LINGO1: variants seen among roughly 807,000 people sequenced by gnomAD.
LINGO1 encodes the protein leucine-rich repeat and immunoglobulin-like domain-containing nogo receptor-interacting protein 1.
Under a neutral mutation model 37.3 loss-of-function variants are expected in LINGO1, and 11 were observed. The observed-to-expected ratio is 0.29, with a 90% confidence interval of 0.19 to 0.49. LINGO1 has a LOEUF of 0.49. Ranked by LOEUF, LINGO1 falls within the 20% of genes least tolerant of loss-of-function variation. The pLI is 0.99. For synonymous variants in LINGO1, 387 were observed against 403.0 expected (o/e 0.96, Z 0.48); for missense variants, 585 against 878.2 (o/e 0.67, Z 4.22).
At chr15:77,635,543 G>A (rs2074379352), upstream of LINGO1, among the ~76,000 whole-genome samples, 1 of 150,478 alleles carries the variant, frequency 6.6e-6, no homozygotes, top group Non-Finnish European at 1.5e-5. Context: ...CACCGGGATG[G>A]CCTAGTCCAA....
At chr15:77,803,948 G>A (rs1003813654) in intron 1 of LINGO1, among the ~76,000 whole-genome samples, 6 of 152,136 alleles carry the variant, frequency 3.9e-5, no homozygotes, top group African/African-American at 9.7e-5. Flanking sequence ...CCTAAGCCAC[G>A]CACAGTGGGC....
At chr15:77,645,801 G>A (rs1158780792) in intron 3 of LINGO1, among the ~76,000 whole-genome samples, 1 of 152,258 alleles carries the variant, frequency 6.6e-6, no homozygotes, top group Non-Finnish European at 1.5e-5. Context: ...CAGGAGCAAA[G>A]CTCAAGGCCT....
At chr15:77,770,965 C>T (rs2076579192) in intron 1 of LINGO1, among the ~76,000 whole-genome samples, 1 of 152,244 alleles carries the variant, frequency 6.6e-6, no homozygotes, top group South Asian at 2.1e-4. Flanking sequence ...TGTGACCCTT[C>T]TCGGGGCTCA....
chr15:77,751,592 G>A (rs2076372155), intron 1 of LINGO1, among the ~76,000 whole-genome samples: 1 of 152,144 alleles, frequency 6.6e-6, no homozygotes, highest in South Asian at 2.1e-4. Flanking sequence ...AAGGGTCAGT[G>A]CTTCAGGCCT....
At chr15:77,798,833 G>T (rs1037824188) in intron 1 of LINGO1, among the ~76,000 whole-genome samples, 8 of 152,200 alleles carry the variant, frequency 5.3e-5, no homozygotes, top group Non-Finnish European at 5.9e-5. Flanking sequence ...CCCGGAGAAT[G>T]TGAGACCTCC....
intron 1 of LINGO1, among the ~76,000 whole-genome samples, chr15:77,741,227 G>T (rs1205879829): frequency 6.6e-6 from 1 of 152,238 alleles, no homozygotes; most frequent in Non-Finnish European, 1.5e-5. Flanking sequence ...CTCTAGATTT[G>T]CTTCTTTGCC....
At chr15:77,627,787 C>T (rs1028384610) in intron 1 of LINGO1, among the ~76,000 whole-genome samples, 1 of 152,168 alleles carries the variant, frequency 6.6e-6, no homozygotes, top group Non-Finnish European at 1.5e-5. Context: ...GCCCTTCTTG[C>T]TCCTCCTTCA....
At position 77,777,815 on chromosome 15, in the gene LINGO1, CAGG is replaced by C. The variant is rs537892193; in HGVS notation, c.-257+9051_-257+9053del. 4.8e-3 allele frequency among the ~76,000 whole-genome samples: 735 copies of C among 152,158 alleles called. 2 individuals are homozygous for C. Among genetic ancestry groups the C allele is most frequent in the Non-Finnish European group, 8.0e-3 (544 of 67,986 alleles). On this transcript the variant is annotated intron_variant, in intron 1 of 3. Coordinates refer to the LINGO1 transcript ENST00000561686. ...GCACAGACCTGTGGTCCCAGCTACT[CAGG>C]AGGCTGAGGTGAGAGGATCACTTGA...
chr15:77,780,945 C>A (rs952581983), intron 1 of LINGO1, among the ~76,000 whole-genome samples: 8 of 152,148 alleles, frequency 5.3e-5, no homozygotes, highest in African/African-American at 1.9e-4. Context: ...TTGTCACAGC[C>A]CGCATGGACT....
At chr15:77,716,963 A>G (rs934273960) in intron 2 of LINGO1, among the ~76,000 whole-genome samples, 1 of 150,440 alleles carries the variant, frequency 6.6e-6, no homozygotes, top group African/African-American at 2.4e-5. Context: ...TGCATTTAGC[A>G]GGACGTAGAT....
chr15:77,806,148 C>T (rs2076957917), intron 1 of LINGO1, among the ~76,000 whole-genome samples: 1 of 152,160 alleles, frequency 6.6e-6, no homozygotes, highest in African/African-American at 2.4e-5. Context: ...CTGGTGAGTG[C>T]CACCTGACCA....
chr15:77,659,447 G>A (rs1317495272), intron 3 of LINGO1, among the ~76,000 whole-genome samples: 2 of 152,096 alleles, frequency 1.3e-5, no homozygotes, highest in African/African-American at 4.8e-5. Flanking sequence ...TCATCACAAT[G>A]GACACTCTTT....
chr15:77,699,727 C>T (rs75294111), upstream of LINGO1, among the ~76,000 whole-genome samples: 77 of 147,782 alleles, frequency 5.2e-4, no homozygotes, highest in Middle Eastern at 3.5e-3. Flanking sequence ...ACACAATAAG[C>T]ACATACTAAC....
intron 3 of LINGO1, among the ~76,000 whole-genome samples, chr15:77,655,905 G>A (rs1186624115): frequency 6.6e-6 from 1 of 152,156 alleles, no homozygotes; most frequent in Non-Finnish European, 1.5e-5. Flanking sequence ...TGTTCTCCAA[G>A]CAGCCTTCCA....
intron 2 of LINGO1, among the ~76,000 whole-genome samples, chr15:77,684,911 C>G (rs1449626500): frequency 1.3e-5 from 2 of 152,118 alleles, no homozygotes; most frequent in Non-Finnish European, 2.9e-5. Context: ...GGCTGGGCAA[C>G]AAGCTCGGGG....
At chr15:77,812,375 CAA>C (rs1406844632) in intron 1 of LINGO1, among the ~76,000 whole-genome samples, 7 of 152,210 alleles carry the variant, frequency 4.6e-5, no homozygotes, top group Non-Finnish European at 8.8e-5. Flanking sequence ...CATTCAAAGG[CAA>C]AGTGTCACCG....
intron 1 of LINGO1, among the ~76,000 whole-genome samples, chr15:77,812,319 C>A (rs2077012332): frequency 6.6e-6 from 1 of 152,232 alleles, no homozygotes; most frequent in Admixed American, 6.5e-5. Context: ...AATACCCCTA[C>A]CGGTGGAGCA....
At chr15:77,795,780 C>G (rs1382973629) in intron 2 of LINGO1, among the ~76,000 whole-genome samples, 1 of 152,242 alleles carries the variant, frequency 6.6e-6, no homozygotes, top group African/African-American at 2.4e-5. Context: ...CCTGCTTCAG[C>G]CAGGTCTGGC....
intron 2 of LINGO1, among the ~76,000 whole-genome samples, chr15:77,685,467 G>T (rs886486393): frequency 6.6e-6 from 1 of 152,148 alleles, no homozygotes; most frequent in African/African-American, 2.4e-5. Context: ...GCTCCCTGGG[G>T]ATGTCTGCCT....
Sources: allele counts gnomAD v4.1 joint callset (sites outside exome capture counted in the v4.1 genomes callset), GRCh38; gene constraint gnomAD v4.1.1; transcripts MANE v1.5; gene names NCBI Gene and HGNC (gene_info 2026-07-23, HGNC 2026-07-21).